Variants in OTOGL observed in about 807,000 individuals in gnomAD.
The protein encoded by OTOGL is otogelin-like protein.
OTOGL carries 285 observed loss-of-function variants against 318.5 expected under a neutral mutation model. That is an observed-to-expected ratio of 0.89 (90% CI 0.81 to 0.99). The LOEUF (loss-of-function observed/expected upper bound fraction) is 0.99. Ranked by LOEUF, OTOGL falls within the 50% of genes least tolerant of loss-of-function variation. The pLI is 0.00. For synonymous variants in OTOGL, 987 were observed against 936.5 expected, an observed-to-expected ratio of 1.05 and a Z score of -0.99; for missense variants, 2,899 against 2,845.6, an observed-to-expected ratio of 1.02 and a Z score of -0.43.
intron 4 of OTOGL, among the ~76,000 whole-genome samples, chr12:80,215,629 A>G (rs1018189631): frequency 5.3e-5 from 8 of 152,214 alleles, no homozygotes; most frequent in African/African-American, 1.7e-4. Context: ...GATAGGCCCT[A>G]TAAGGTAGAA....
At chr12:80,104,865 C>T (rs535699529) in intron 1 of OTOGL, among the ~76,000 whole-genome samples, 8 of 152,136 alleles carry the variant, frequency 5.3e-5, no homozygotes, top group South Asian at 2.1e-4. Flanking sequence ...AAGGCTGAGC[C>T]GGGCAGATCA....
intron 43 of OTOGL, among the ~76,000 whole-genome samples, chr12:80,341,326 A>T (rs966896767): frequency 6.6e-6 from 1 of 152,144 alleles, no homozygotes; most frequent in African/African-American, 2.4e-5. Flanking sequence ...GCTTGACAAT[A>T]GTTGTCCCTA....
chr12:80,369,930 T>C (rs1305440373), intron 55 of OTOGL, among the ~76,000 whole-genome samples: 1 of 152,042 alleles, frequency 6.6e-6, no homozygotes, highest in Non-Finnish European at 1.5e-5. Context: ...AATAAAAATA[T>C]AGATTAACAA....
intron 1 of OTOGL, chr12:80,102,844 CTTCT>C (rs1202921594): frequency 2.8e-6 from 2 of 704,868 alleles, no homozygotes; most frequent in Non-Finnish European, 5.0e-6. Flanking sequence ...TCATAAGGCT[CTTCT>C]TTTTTTTCTC....
Position 80,252,103 on chromosome 12 carries a change from A to G in OTOGL, c.1187A>G (p.His396Arg), listed in dbSNP as rs754384301. Residue 396 changes from histidine to arginine, a missense_variant, in exon 13 of 59, where the codon CAT becomes CGT. Physicochemically the swap from His to Arg is conservative, Grantham distance 29 (BLOSUM62 0). Transcript: ENST00000547103. ...CTDKCDDSFV[H>R]RDCISCCPPT... ...GATAAATGTGATGATAGCTTTGTCCATCGGGACTGTATCAGTTGTTGTCCA... is the reference window on the plus strand; with the variant it reads ...GATAAATGTGATGATAGCTTTGTCCGTCGGGACTGTATCAGTTGTTGTCCA... 1.3e-5 allele frequency: 20 copies of G among 1,555,146 alleles called. No individual in the cohort carries two copies. The highest frequency in any genetic ancestry group is 3.6e-5 in the South Asian group (3 of 84,268).
chr12:80,235,693 C>T (rs907810375), intron 9 of OTOGL, among the ~76,000 whole-genome samples: 1 of 152,052 alleles, frequency 6.6e-6, no homozygotes, highest in Non-Finnish European at 1.5e-5. Flanking sequence ...ACAAGGGTGT[C>T]AGTCTGCCAG....
intron 1 of OTOGL, among the ~76,000 whole-genome samples, chr12:80,155,957 T>C (rs1228542327): frequency 6.6e-6 from 1 of 152,242 alleles, no homozygotes; most frequent in East Asian, 1.9e-4. Context: ...ATCTCATTCA[T>C]TTTTATGTCT....
At chr12:80,282,947 C>A (rs979419418) in intron 26 of OTOGL, among the ~76,000 whole-genome samples, 1 of 151,920 alleles carries the variant, frequency 6.6e-6, no homozygotes, top group Non-Finnish European at 1.5e-5. Flanking sequence ...GAGCAAGGAC[C>A]AAGTCTTGCT....
chr12:80,231,008 C>A (rs1270618196), intron 8 of OTOGL, among the ~76,000 whole-genome samples: 1 of 152,134 alleles, frequency 6.6e-6, no homozygotes, highest in Non-Finnish European at 1.5e-5. Flanking sequence ...TCACAGTTTT[C>A]CACCTTTATT....
chr12:80,127,369 C>T (rs530890272), intron 1 of OTOGL, among the ~76,000 whole-genome samples: 1 of 152,240 alleles, frequency 6.6e-6, no homozygotes, highest in South Asian at 2.1e-4. Context: ...GAATATTGGC[C>T]CCCACTCTCT....
chr12:80,168,304 G>GT (rs574703990), intron 1 of OTOGL, among the ~76,000 whole-genome samples: 11 of 152,010 alleles, frequency 7.2e-5, no homozygotes, highest in Admixed American at 4.6e-4. Context: ...TCATCCTAAT[G>GT]TTTTTTCATT....
chr12:80,284,115 G>C (rs907510420), intron 26 of OTOGL, among the ~76,000 whole-genome samples: 3 of 152,076 alleles, frequency 2.0e-5, no homozygotes, highest in Non-Finnish European at 4.4e-5. Flanking sequence ...ACTTATGAGC[G>C]AGAACATGTG....
At chr12:80,295,107 C>A (rs1371169120) in intron 26 of OTOGL, among the ~76,000 whole-genome samples, 2 of 147,700 alleles carry the variant, frequency 1.4e-5, no homozygotes, top group Non-Finnish European at 1.5e-5. Context: ...TGAAAAACAA[C>A]AACAACACCA....
chr12:80,211,013 T>C, intron 3 of OTOGL, 127 bp downstream of exon 3: 2 of 554,640 alleles, frequency 3.6e-6, no homozygotes, highest in Non-Finnish European at 2.8e-6. Flanking sequence ...GCATGAAATA[T>C]ACTTTAAAAA....
At chr12:80,325,960 A>G (rs1040205129) in intron 35 of OTOGL, among the ~76,000 whole-genome samples, 1 of 152,138 alleles carries the variant, frequency 6.6e-6, no homozygotes, top group African/African-American at 2.4e-5. Context: ...AGCTGTCCAT[A>G]AGTTTCTCTT....
intron 49 of OTOGL, among the ~76,000 whole-genome samples, chr12:80,357,731 C>T (rs1424153908): frequency 6.6e-6 from 1 of 152,130 alleles, no homozygotes; most frequent in South Asian, 2.1e-4. Context: ...AAAGGGATTC[C>T]GATTACTCCT....
chr12:80,315,893 CACAA>C (rs1342945713), intron 32 of OTOGL, among the ~76,000 whole-genome samples: 2 of 152,118 alleles, frequency 1.3e-5, no homozygotes, highest in Admixed American at 6.6e-5. Context: ...TACACGCACA[CACAA>C]ACACACACTT....
intron 2 of OTOGL, among the ~76,000 whole-genome samples, chr12:80,210,301 T>G (rs1022847162): frequency 6.6e-6 from 1 of 152,174 alleles, no homozygotes; most frequent in African/African-American, 2.4e-5. Flanking sequence ...AGAATTGATT[T>G]ATTTTCAGTT....
At chr12:80,219,793 T>TA in intron 5 of OTOGL, 21 bp from the exon 6 acceptor site, 1 of 1,417,066 alleles carries the variant, frequency 7.1e-7, no homozygotes, top group East Asian at 2.4e-5. Flanking sequence ...AAGATAACTT[T>TA]TTTTTTTTTT....
Sources: gnomAD v4.1 joint callset for allele counts (sites outside exome capture counted in the v4.1 genomes callset) on GRCh38, gnomAD v4.1.1 for gene constraint, MANE v1.5 for transcripts, NCBI Gene and HGNC (gene_info 2026-07-23, HGNC 2026-07-21) for gene names.